Variants in NUGGC observed in about 807,000 individuals in gnomAD.
NUGGC encodes the protein nuclear GTPase SLIP-GC.
Under a neutral mutation model 92.6 loss-of-function variants are expected in NUGGC, and 58 were observed. The ratio of observed to expected loss-of-function variants is 0.63; its 90% CI spans 0.51 to 0.78. The LOEUF (loss-of-function observed/expected upper bound fraction) is 0.78. Among genes scored for constraint, NUGGC ranks in the 30% least tolerant of loss-of-function variants. NUGGC has a pLI of 0.00. For synonymous variants in NUGGC, 376 were observed against 366.4 expected, an observed-to-expected ratio of 1.03 and a Z score of -0.30; for missense variants, 925 against 964.6, an observed-to-expected ratio of 0.96 and a Z score of 0.54.
intron 10 of NUGGC, among the ~76,000 whole-genome samples, chr8:28,049,904 G>T (rs1809945633): frequency 6.6e-6 from 1 of 152,058 alleles, no homozygotes; most frequent in Non-Finnish European, 1.5e-5. Context: ...TAGCCAACAT[G>T]GTGAAACCCC....
chr8:28,069,486 T>A lies in NUGGC; in HGVS notation c.257+58A>T, dbSNP rs563376077. 3.6e-6 allele frequency: 3 copies of A among 840,210 alleles called. No homozygotes were observed. The African/African-American group carries it at 5.0e-5, about 14-fold the overall frequency. The allele number at this position is 840,210 out of a possible 1,614,324, so 52.0% of individuals were successfully genotyped here. ...TTTCCTTGTTGGGGGAAAGCACCTA[T>A]AATCGCCTAAGGAAAGACACTGACA... On this transcript the variant is annotated intron_variant, in intron 4 of 18. Transcript: ENST00000413272.
intron 1 of NUGGC, among the ~76,000 whole-genome samples, chr8:28,077,150 T>A (rs1810742382): frequency 1.3e-5 from 2 of 152,022 alleles, no homozygotes; most frequent in Non-Finnish European, 2.9e-5. Flanking sequence ...CACAAGCAAT[T>A]TCTGGTTTGG....
intron 15 of NUGGC, 51 bp from the exon 16 acceptor site, chr8:28,030,469 G>C (rs1442741636): frequency 1.3e-5 from 13 of 972,964 alleles, no homozygotes; most frequent in Non-Finnish European, 6.5e-6. Flanking sequence ...TTCAATGGAA[G>C]CAGGTCAGGT....
intron 2 of NUGGC, among the ~76,000 whole-genome samples, chr8:28,072,196 C>G (rs1810607664): frequency 1.3e-5 from 2 of 152,222 alleles, no homozygotes; most frequent in Non-Finnish European, 2.9e-5. Flanking sequence ...TACTTCGACC[C>G]TTCCCTCTCA....
chr8:28,056,017 C>CA lies in NUGGC; in HGVS notation c.1153_1154insT (p.Arg385MetfsTer3), dbSNP rs1200040146. ...CCTTTGTAGTTTTATCATTTCATTT[C>CA]TTTCTAAAACAGCCTCTCGCTGACT... is the stretch of plus-strand genomic sequence containing the variant. On this transcript the variant is annotated frameshift_variant, in exon 10 of 19. Transcript: ENST00000413272. LOFTEE classifies it high-confidence loss of function. 6.4e-7 allele frequency: 1 copy of CA among 1,566,904 alleles called. No individual in the cohort carries two copies. Among genetic ancestry groups the CA allele is most frequent in the Non-Finnish European group, 8.7e-7 (1 of 1,153,132 alleles).
chr8:28,064,610 T>C lies in NUGGC; in HGVS notation c.833A>G (p.Lys278Arg). Residue 278 changes from lysine (K) to arginine (R), a missense_variant, in exon 7 of 19, where the codon AAA becomes AGA. Transcript: ENST00000413272. Reference protein sequence around the residue: ...LIKHVEVTLPKSDLIPEGVVL... With the variant: ...LIKHVEVTLPRSDLIPEGVVL... ...GACCCCTTCTGGGATCAGGTCGGAT[T>C]TGGGAAGTGTCACTTCCACATGTTT... 6.2e-7 allele frequency: 1 copy of C among 1,614,046 alleles called. No individual in the cohort carries two copies. Among genetic ancestry groups the C allele is most frequent in the Non-Finnish European group, 8.5e-7 (1 of 1,179,890 alleles).
intron 7 of NUGGC, among the ~76,000 whole-genome samples, chr8:28,064,130 T>G (rs1256577756): frequency 1.3e-5 from 2 of 152,222 alleles, no homozygotes; most frequent in Non-Finnish European, 2.9e-5. Flanking sequence ...TCCAGCTCTA[T>G]GCTGATGCTG....
chr8:28,067,705 G>A lies in NUGGC; in HGVS notation c.520C>T (p.His174Tyr). The A allele has an allele frequency of 6.2e-7, 1 of 1,613,906 alleles. No individual in the cohort carries two copies. The highest frequency in any genetic ancestry group is 8.5e-7 in the Non-Finnish European group (1 of 1,179,810). ...TCTCTGCTCAGCTCCTCCGTCCTAT[G>A]CAGGAGTTTGGTCAGGTTCTTCAGC... ...EELKNLTKLL[H>Y]RTEELSREEA... Residue 174 changes from histidine (H) to tyrosine (Y), a missense_variant, in exon 6 of 19, where the codon CAT becomes TAT. Coordinates refer to ENST00000413272, the MANE Select transcript of NUGGC (RefSeq NM_001010906.2).
chr8:28,070,952 A>G (rs1810576351), intron 2 of NUGGC, among the ~76,000 whole-genome samples: 1 of 151,744 alleles, frequency 6.6e-6, no homozygotes, highest in Non-Finnish European at 1.5e-5. Flanking sequence ...TGATTTTGCC[A>G]CTGCACTCCA....
At position 28,074,451 on chromosome 8, in the gene NUGGC, A is replaced by G; in HGVS notation, c.-41T>C. ...CTCCTGCTCTTCTCAGTTCAGGAGA[A>G]CCAGCCTGTGAAGACAAAGTACAAA... On this transcript the variant is annotated 5_prime_UTR_variant, in exon 2 of 19. Transcript: ENST00000413272. 6.2e-7 allele frequency: 1 copy of G among 1,609,860 alleles called. No homozygotes were observed. The highest frequency in any genetic ancestry group is 8.5e-7 in the Non-Finnish European group (1 of 1,177,676).
At chr8:28,033,451 C>T in intron 14 of NUGGC, 89 bp downstream of exon 14, 1 of 1,280,510 alleles carries the variant, frequency 7.8e-7, no homozygotes, top group Non-Finnish European at 1.1e-6. Flanking sequence ...ACTCTTTACA[C>T]TTACAGATCC....
At chr8:28,079,385 C>T (rs1289853484) in intron 1 of NUGGC, among the ~76,000 whole-genome samples, 1 of 152,054 alleles carries the variant, frequency 6.6e-6, no homozygotes, top group Non-Finnish European at 1.5e-5. Flanking sequence ...ACTAAAAATA[C>T]AAAAATTAGC....
chr8:28,074,070 A>T (rs1358334366), intron 2 of NUGGC, among the ~76,000 whole-genome samples: 1 of 149,604 alleles, frequency 6.7e-6, no homozygotes, highest in Non-Finnish European at 1.5e-5. Context: ...AATTGCTGGG[A>T]TTACAGGTGT....
intron 2 of NUGGC, among the ~76,000 whole-genome samples, chr8:28,072,898 G>C (rs1244731622): frequency 6.6e-6 from 1 of 151,380 alleles, no homozygotes; most frequent in African/African-American, 2.4e-5. Flanking sequence ...AGTCCAAAAA[G>C]CGTAGTATAC....
intron 1 of NUGGC, among the ~76,000 whole-genome samples, chr8:28,081,928 AGGTGAGCTG>A (rs1810861258): frequency 6.6e-6 from 1 of 151,618 alleles, no homozygotes; most frequent in Non-Finnish European, 1.5e-5. Context: ...TCTCACAAGA[AGGTGAGCTG>A]AAGAATGAAA....
chr8:28,074,407 C>T lies in NUGGC; in HGVS notation c.4G>A (p.Ala2Thr), dbSNP rs762244124. ...TGGCCAAAAACATCCTTCGTTTCTG[C>T]CATTCCTTGTTACGTGAACTCCTGC... M[A>T]ETKDVFGQEP... The change falls in exon 2 of 19, where the codon GCA (alanine) becomes ACA (threonine). Residue 2 changes from alanine (A) to threonine (T), a missense_variant. Coordinates refer to ENST00000413272, the MANE Select transcript of NUGGC (RefSeq NM_001010906.2). The T allele has an allele frequency of 2.5e-6, 4 of 1,613,656 alleles. No homozygotes were observed. The highest frequency in any genetic ancestry group is 4.5e-5 in the East Asian group (2 of 44,882).
At chr8:28,048,660 G>A (rs538268643) in intron 10 of NUGGC, among the ~76,000 whole-genome samples, 35 of 152,056 alleles carry the variant, frequency 2.3e-4, no homozygotes, top group Middle Eastern at 3.4e-3. Context: ...TCAGGAGTTC[G>A]AGACCAGCCT....
intron 17 of NUGGC, among the ~76,000 whole-genome samples, chr8:28,028,032 A>T (rs1013797686): frequency 1.3e-5 from 2 of 151,662 alleles, no homozygotes; most frequent in Admixed American, 6.5e-5. Context: ...AAAATATTTT[A>T]AAAAACTAAA....
intron 7 of NUGGC, among the ~76,000 whole-genome samples, chr8:28,061,707 C>T (rs189811988): frequency 1.3e-5 from 2 of 152,246 alleles, no homozygotes; most frequent in East Asian, 1.9e-4. Flanking sequence ...GTGGGCTTAT[C>T]AGGATGCAAT....
Sources: allele counts gnomAD v4.1 joint callset (sites outside exome capture counted in the v4.1 genomes callset), GRCh38; gene constraint gnomAD v4.1.1; transcripts MANE v1.5; gene names NCBI Gene and HGNC (gene_info 2026-07-23, HGNC 2026-07-21).